Variants in GMCL2 observed in about 807,000 individuals in gnomAD.
The protein encoded by GMCL2 is germ cell-less protein-like 2.
Under a neutral mutation model 36.2 loss-of-function variants are expected in GMCL2, and 33 were observed. The ratio of observed to expected loss-of-function variants is 0.91; its 90% CI spans 0.69 to 1.22. The LOEUF (loss-of-function observed/expected upper bound fraction) is 1.22, where lower values mean the gene tolerates loss of function less well. GMCL2 is among the 50% of genes most tolerant of loss of function. The pLI, the probability that GMCL2 is intolerant of heterozygous loss-of-function variation, is 0.00. For missense variants in GMCL2, 478 were observed against 514.5 expected, an observed-to-expected ratio of 0.93 and a Z score of 0.69; for synonymous variants, 172 against 184.3, an observed-to-expected ratio of 0.93 and a Z score of 0.54.
rs759561885 is a variant in GMCL2 at position 178,187,145 on chromosome 5, C to G, written c.155G>C (p.Arg52Pro). 1 of 1,166,728 alleles carries G rather than the reference C, an allele frequency of 8.6e-7. No individual in the cohort carries two copies. Among genetic ancestry groups the G allele is most frequent in the South Asian group, 1.3e-5 (1 of 76,766 alleles). The allele number at this position is 1,166,728 out of a possible 1,614,324, so 72.3% of individuals were successfully genotyped here. Residue 52 changes from arginine to proline, a missense_variant, in exon 1 of 1, where the codon CGC (arginine) becomes CCC (proline). Arg to Pro is a moderately radical substitution (Grantham distance 103). This residue lies in a region of GMCL2 where 127 missense variants were observed against 86.4 expected (regional missense o/e 1.47). Transcript: ENST00000463439. Reference protein sequence around the residue: ...GFCYCPGSHKRKRSSGACRYC... With the variant: ...GFCYCPGSHKPKRSSGACRYC... ...GCGGCAGGCCCCGCTGCTCCGCTTGCGCTTGTGACTGCCCGGGCAGTAACA... is the reference window on the plus strand; with the variant it reads ...GCGGCAGGCCCCGCTGCTCCGCTTGGGCTTGTGACTGCCCGGGCAGTAACA...
At chr5:178,186,252 C>A in the GMCL2 span, 1 of 946,612 alleles carries the variant, frequency 1.1e-6, no homozygotes, top group South Asian at 1.3e-5. Context: ...CCATCTTGTT[C>A]AATAATTCTT....
Position 178,187,249 on chromosome 5 carries a change from G to T in GMCL2, c.51C>A (p.Ala17=). ...TGGCCCTGGCACCCTGTTCCTGCTG[G>T]GCAAGGGCTCGCCTCGGCTGGCCCA... ...RVLGQPRRAL[A]QQEQGARARG... The change falls in exon 1 of 1, where the codon GCC becomes GCA. Residue 17 remains alanine, a synonymous_variant. Transcript: ENST00000463439. 1 of 1,017,650 alleles carries T rather than the reference G, an allele frequency of 9.8e-7. No individual in the cohort carries two copies. Among genetic ancestry groups the T allele is most frequent in the Non-Finnish European group, 1.5e-6 (1 of 667,248 alleles). The allele number at this position is 1,017,650 out of a possible 1,614,324, so 63.0% of individuals were successfully genotyped here.
rs745491454 is a variant in GMCL2, at chr5:178,185,818, C to G, written c.1482G>C (p.Arg494Ser). 5.1e-6 allele frequency: 5 copies of G among 972,476 alleles called. No individual in the cohort carries two copies. The highest frequency in any genetic ancestry group is 8.3e-6 in the Non-Finnish European group (5 of 599,756). The allele number at this position is 972,476 out of a possible 1,614,324, so 60.2% of individuals were successfully genotyped here. The change falls in exon 1 of 1, where the codon AGG becomes AGC. Residue 494 changes from arginine (R) to serine (S), a missense_variant. This residue lies in a region of GMCL2 where 135 missense variants were observed against 119.0 expected (regional missense o/e 1.13). Coordinates refer to ENST00000463439, the MANE Select transcript of GMCL2 (RefSeq NM_001358008.2). The stretch of plus-strand genomic sequence containing the variant: ...AGATATATAAAGGGAAGGTCAGAAA[C>G]CTGCTGTCCAAGTTCATCACCACTT... Reference protein sequence around the residue: ...QEQVVMNLDSRFLTFPLYICC... With the variant: ...QEQVVMNLDSSFLTFPLYICC...
chr5:178,187,205 G>C lies in GMCL2; in HGVS notation c.95C>G (p.Pro32Arg). ...GARARGSARR[P>R]DTGDDAASYG... ...GCTCGCCGCATCGTCTCCAGTGTCCGGCCTCCGGGCCGAGCCCCTGGCCCT... is the reference window on the plus strand; with the variant it reads ...GCTCGCCGCATCGTCTCCAGTGTCCCGCCTCCGGGCCGAGCCCCTGGCCCT... The change falls in exon 1 of 1, where the codon CCG becomes CGG. Residue 32 changes from proline to arginine, a missense_variant. Physicochemically the swap from Pro to Arg is moderately radical, Grantham distance 103. Around this residue, in one of 5 missense-constraint regions of GMCL2, gnomAD observed 127 missense variants for 86.4 expected, o/e 1.47. Transcript: ENST00000463439. 8.4e-7 allele frequency: 1 copy of C among 1,194,922 alleles called. No homozygotes were observed. The highest frequency in any genetic ancestry group is 2.0e-5 in the Admixed American group (1 of 50,276). The allele number at this position is 1,194,922 out of a possible 1,614,324, so 74.0% of individuals were successfully genotyped here. A position where few individuals can be genotyped will look rare whatever the true frequency, so the allele number is the denominator to read the frequency against.
rs1282823477 is a variant in GMCL2, at chr5:178,185,912, C to T, written c.1388G>A (p.Ser463Asn). The change falls in exon 1 of 1, where the codon AGT becomes AAT. Residue 463 changes from serine to asparagine, a missense_variant. By Grantham distance (46) the Ser-to-Asn change is conservative (BLOSUM62 1). This residue lies in a region of GMCL2 where 135 missense variants were observed against 119.0 expected (regional missense o/e 1.13). Transcript: ENST00000463439. ...TCTACTACATACTAGTTTTCCACTACTATCAAAAGAAGCCAAGCGTAATCT... is the reference window on the plus strand; with the variant it reads ...TCTACTACATACTAGTTTTCCACTATTATCAAAAGAAGCCAAGCGTAATCT... The part of the protein sequence containing the change: ...AFRLRLASFD[S>N]SGKLVCSRTT... 1 of 777,876 alleles carries T rather than the reference C, an allele frequency of 1.3e-6. No individual in the cohort carries two copies. The highest frequency in any genetic ancestry group is 2.5e-5 in the East Asian group (1 of 40,422). The allele number at this position is 777,876 out of a possible 1,614,324, so 48.2% of individuals were successfully genotyped here.
At position 178,186,419 on chromosome 5, in the gene GMCL2, G is replaced by C; in HGVS notation, c.881C>G (p.Ser294Cys). The change falls in exon 1 of 1, where the codon TCT becomes TGT. Residue 294 changes from serine to cysteine, a missense_variant. Coordinates refer to ENST00000463439, the MANE Select transcript of GMCL2 (RefSeq NM_001358008.2). The stretch of plus-strand genomic sequence containing the variant: ...TGTTTCTGTCAAAAGCTGTTTTAAA[G>C]ATCCATTCCAAGAAGGCACAAGTTG... ...FLQLVPSWNG[S>C]LKQLLTETDV... is the part of the protein sequence containing the mutation. The C allele has an allele frequency of 1.2e-6, 2 of 1,611,554 alleles. No individual in the cohort carries two copies. The highest frequency in any genetic ancestry group is 3.3e-5 in the Admixed American group (2 of 60,022).
chr5:178,186,566 T>A lies in GMCL2; in HGVS notation c.734A>T (p.Asn245Ile). ...WLLNNLMTHQ[N>I]VKLFKELGIN... ...ACCGAGTTCTTTAAAAAGTTTAACA[T>A]TCTGGTGAGTCATCAAATTGTTTAG... The change falls in exon 1 of 1, where the codon AAT becomes ATT. Residue 245 changes from asparagine to isoleucine, a missense_variant. This residue lies in a region of GMCL2 where 175 missense variants were observed against 208.0 expected (regional missense o/e 0.84). Coordinates refer to ENST00000463439, the MANE Select transcript of GMCL2 (RefSeq NM_001358008.2). The A allele has an allele frequency of 8.0e-7, 1 of 1,246,770 alleles. No homozygotes were observed. Among genetic ancestry groups the A allele is most frequent in the Non-Finnish European group, 1.2e-6 (1 of 844,594 alleles). The allele number at this position is 1,246,770 out of a possible 1,614,324, so 77.2% of individuals were successfully genotyped here.
the GMCL2 span, chr5:178,187,166 TA>T: frequency 8.2e-7 from 1 of 1,222,856 alleles, no homozygotes; most frequent in Non-Finnish European, 1.2e-6. Context: ...GCCCGGGCAG[TA>T]ACAGAAGCCG....
rs781686532 is a variant in GMCL2, at chr5:178,186,384, A to G, written c.916T>C (p.Phe306Leu). 6.2e-7 allele frequency: 1 copy of G among 1,606,118 alleles called. No homozygotes were observed. The highest frequency in any genetic ancestry group is 1.1e-5 in the South Asian group (1 of 90,904). The change falls in exon 1 of 1, where the codon TTT becomes CTT. Residue 306 changes from phenylalanine to leucine, a missense_variant. Phe to Leu is a conservative substitution (Grantham distance 22, BLOSUM62 0). Coordinates refer to ENST00000463439, the MANE Select transcript of GMCL2 (RefSeq NM_001358008.2). ...TCAAAATCTTTTCTCTGTTTAGAAA[A>G]CCAGACATCTGTTTCTGTCAAAAGC... ...KQLLTETDVWFSKQRKDFEGM... is the reference protein window; with the variant it reads ...KQLLTETDVWLSKQRKDFEGM...
chr5:178,187,185 C>T lies in GMCL2; in HGVS notation c.115G>A (p.Ala39Thr). 1 of 1,223,100 alleles carries T rather than the reference C, an allele frequency of 8.2e-7. No individual in the cohort carries two copies. Among genetic ancestry groups the T allele is most frequent in the Non-Finnish European group, 1.2e-6 (1 of 848,040 alleles). 75.8% of individuals were successfully genotyped at this position (1,223,100 alleles called of 1,614,324 possible). ...ARRPDTGDDA[A>T]SYGFCYCPGS... ...GGGCAGTAACAGAAGCCGTAGCTCGCCGCATCGTCTCCAGTGTCCGGCCTC... is the reference window on the plus strand; with the variant it reads ...GGGCAGTAACAGAAGCCGTAGCTCGTCGCATCGTCTCCAGTGTCCGGCCTC... The change falls in exon 1 of 1, where the codon GCG becomes ACG. Residue 39 changes from alanine to threonine, a missense_variant. Around this residue, in one of 5 missense-constraint regions of GMCL2, gnomAD observed 127 missense variants for 86.4 expected, o/e 1.47. Transcript: ENST00000463439.
Position 178,185,572 on chromosome 5 carries a change from G to A in GMCL2, c.*147C>T. ...TTGTATATGCATAGAAATGCAATGA[G>A]GATAAGAATAGTCTTCTGTATTGTC... On this transcript the variant is annotated 3_prime_UTR_variant, in exon 1 of 1. Coordinates refer to ENST00000463439, the MANE Select transcript of GMCL2 (RefSeq NM_001358008.2). 1 of 439,688 alleles carries A rather than the reference G, an allele frequency of 2.3e-6. No homozygotes were observed. 27.2% of individuals were successfully genotyped at this position (439,688 alleles called of 1,614,324 possible).
rs759628284 is a variant in GMCL2 at position 178,185,954 on chromosome 5, C to T, written c.1346G>A (p.Arg449Gln). ...PRSGSVSLRPRRSIAFRLRLA... is the reference protein window; with the variant it reads ...PRSGSVSLRPQRSIAFRLRLA... ...GCGTAATCTAAATGCTATGCTCCTT[C>T]GAGGCCGTAAACTGACAGACCCGCT... Residue 449 changes from arginine to glutamine, a missense_variant, in exon 1 of 1, where the codon CGA (arginine) becomes CAA (glutamine). By Grantham distance (43) the Arg-to-Gln change is conservative. Coordinates refer to ENST00000463439, the MANE Select transcript of GMCL2 (RefSeq NM_001358008.2). The T allele has an allele frequency of 1.4e-5, 11 of 768,076 alleles. No homozygotes were observed. The highest frequency in any genetic ancestry group is 4.6e-4 in the Middle Eastern group (2 of 4,314). 47.6% of individuals were successfully genotyped at this position (768,076 alleles called of 1,614,324 possible). A position where few individuals can be genotyped will look rare whatever the true frequency, so the allele number is the denominator to read the frequency against.
rs899474170 is a variant in GMCL2, at chr5:178,185,472, A to G, written c.*247T>C. Among the ~76,000 whole-genome samples the G allele has an allele frequency of 1.3e-5, 2 of 152,248 alleles. No homozygotes were observed. Among genetic ancestry groups the G allele is most frequent in the African/African-American group, 4.8e-5 (2 of 41,466 alleles). Reference sequence around the variant, plus strand: ...TACAGTCATTTTCTGCTGATGCTGAATTAAAAGCATGAGTTGACATCGTAC... The same window carrying G: ...TACAGTCATTTTCTGCTGATGCTGAGTTAAAAGCATGAGTTGACATCGTAC... On this transcript the variant is annotated 3_prime_UTR_variant, in exon 1 of 1. Transcript: ENST00000463439.
chr5:178,185,826 C>T lies in GMCL2; in HGVS notation c.1474G>A (p.Asp492Asn). ...KDQEQVVMNL[D>N]SRFLTFPLYI... ...AAAGGGAAGGTCAGAAACCTGCTGT[C>T]CAAGTTCATCACCACTTGTTCCTGA... The change falls in exon 1 of 1, where the codon GAC becomes AAC. Residue 492 changes from aspartate to asparagine, a missense_variant. Coordinates refer to ENST00000463439, the MANE Select transcript of GMCL2 (RefSeq NM_001358008.2). The T allele has an allele frequency of 1.0e-6, 1 of 957,714 alleles. No individual in the cohort carries two copies. The highest frequency in any genetic ancestry group is 2.2e-4 in the Middle Eastern group (1 of 4,640). The allele number at this position is 957,714 out of a possible 1,614,324, so 59.3% of individuals were successfully genotyped here. A position where few individuals can be genotyped will look rare whatever the true frequency, so the allele number is the denominator to read the frequency against.
chr5:178,185,960 C>T lies in GMCL2; in HGVS notation c.1340G>A (p.Arg447Gln), dbSNP rs142851172. 1.2e-3 allele frequency: 906 copies of T among 767,450 alleles called. 10 individuals are homozygous for T. The East Asian group carries it at 0.016, about 14-fold the overall frequency. The allele number at this position is 767,450 out of a possible 1,614,324, so 47.5% of individuals were successfully genotyped here. Residue 447 changes from arginine to glutamine, a missense_variant, in exon 1 of 1, where the codon CGG becomes CAG. Around this residue, in one of 5 missense-constraint regions of GMCL2, gnomAD observed 135 missense variants for 119.0 expected, o/e 1.13. Coordinates refer to ENST00000463439, the MANE Select transcript of GMCL2 (RefSeq NM_001358008.2). ...TCTAAATGCTATGCTCCTTCGAGGC[C>T]GTAAACTGACAGACCCGCTGCGTGG... is the stretch of plus-strand genomic sequence containing the variant. Reference protein sequence around the residue: ...NQPRSGSVSLRPRRSIAFRLR... With the variant: ...NQPRSGSVSLQPRRSIAFRLR...
rs1561654100 is a variant in GMCL2 at position 178,187,069 on chromosome 5, C to CACA, written c.230_231insTGT (p.Lys77delinsAsnVal). ...CAGGGGTGTTGAGGAGCGGCTGCTG[C>CACA]TTGTCCCCCTCCTCCTCATGCTCCT... On this transcript the variant is annotated protein_altering_variant, in exon 1 of 1. Transcript: ENST00000463439. 1 of 1,062,874 alleles carries CACA rather than the reference C, an allele frequency of 9.4e-7. No homozygotes were observed. Among genetic ancestry groups the CACA allele is most frequent in the Non-Finnish European group, 1.4e-6 (1 of 699,434 alleles). The allele number at this position is 1,062,874 out of a possible 1,614,324, so 65.8% of individuals were successfully genotyped here.
chr5:178,186,174 G>A, the GMCL2 span: 1 of 828,262 alleles, frequency 1.2e-6, no homozygotes, highest in Non-Finnish European at 2.2e-6. Context: ...TCACGGTCTT[G>A]TTCTGCCCGC....
Position 178,185,648 on chromosome 5 carries a change from T to G in GMCL2, c.*71A>C. 1 of 578,100 alleles carries G rather than the reference T, an allele frequency of 1.7e-6. No individual in the cohort carries two copies. The highest frequency in any genetic ancestry group is 3.2e-6 in the Non-Finnish European group (1 of 314,106). 35.8% of individuals were successfully genotyped at this position (578,100 alleles called of 1,614,324 possible). ...TTGTTAGTCAACTTAGATGTGAATA[T>G]CAGTAGGGCCATTAAATTAAAGCTG... is the stretch of plus-strand genomic sequence containing the variant. On this transcript the variant is annotated 3_prime_UTR_variant, in exon 1 of 1. Coordinates refer to ENST00000463439, the MANE Select transcript of GMCL2 (RefSeq NM_001358008.2).
chr5:178,186,505 G>T lies in GMCL2; in HGVS notation c.795C>A (p.Asn265Lys), dbSNP rs1369335232. The part of the protein sequence containing the change: ...NVMKQLIGSS[N>K]LFVMQVEMDV... ...CCATCTCCACTTGCATCACAAATAA[G>T]TTAGAGGAACCAATGAGCTGTTTCA... Residue 265 changes from asparagine (N) to lysine (K), a missense_variant, in exon 1 of 1, where the codon AAC becomes AAA. By Grantham distance (94) the Asn-to-Lys change is moderately conservative. Around this residue, in one of 5 missense-constraint regions of GMCL2, gnomAD observed 175 missense variants for 208.0 expected, o/e 0.84. Coordinates refer to ENST00000463439, the MANE Select transcript of GMCL2 (RefSeq NM_001358008.2). 2 of 1,385,284 alleles carry T rather than the reference G, an allele frequency of 1.4e-6. No homozygotes were observed. Among genetic ancestry groups the T allele is most frequent in the East Asian group, 2.3e-5 (1 of 43,772 alleles). The allele number at this position is 1,385,284 out of a possible 1,614,324, so 85.8% of individuals were successfully genotyped here.
Sources: allele counts gnomAD v4.1 joint callset (sites outside exome capture counted in the v4.1 genomes callset), GRCh38; gene constraint gnomAD v4.1.1; regional missense constraint gnomAD v4.1.1; transcripts MANE v1.5; gene names NCBI Gene and HGNC (gene_info 2026-07-23, HGNC 2026-07-21).